VWA8: variants seen among roughly 807,000 people sequenced by gnomAD.
The protein encoded by VWA8 is von Willebrand factor A domain-containing protein 8.
A neutral mutation model predicts 241.5 loss-of-function variants in VWA8; 221 were observed. The observed-to-expected ratio is 0.91, with a 90% CI of 0.82 to 1.02. The LOEUF (loss-of-function observed/expected upper bound fraction) is 1.02, where lower values mean the gene tolerates loss of function less well. Among genes scored for constraint, VWA8 ranks in the 50% least tolerant of loss-of-function variants. The probability of loss-of-function intolerance (pLI) is 0.00; values close to 1 mark genes in which losing one functional copy is unlikely to be tolerated. For missense variants in VWA8, 2,322 were observed against 2,328.7 expected (o/e 1.00, Z 0.06); for synonymous variants, 852 against 827.1 (o/e 1.03, Z -0.52).
At chr13:41,949,142 G>T (rs1421554650) in intron 2 of VWA8, among the ~76,000 whole-genome samples, 2 of 151,226 alleles carry the variant, frequency 1.3e-5, no homozygotes, top group Non-Finnish European at 2.9e-5. Context: ...GGTTATACAG[G>T]TTTATAAAAT....
intron 12 of VWA8, among the ~76,000 whole-genome samples, chr13:41,853,109 G>C (rs906706081): frequency 6.6e-6 from 1 of 152,094 alleles, no homozygotes; most frequent in African/African-American, 2.4e-5. Context: ...TCCATCTTTT[G>C]TGATTTGGGT....
Position 41,871,669 on chromosome 13 carries a change from T to C in VWA8, c.1081-3192A>G, listed in dbSNP as rs867461197. Among the ~76,000 whole-genome samples, 1,107 of 152,162 alleles carry C rather than the reference T, an allele frequency of 7.3e-3. 16 individuals carry two copies. Among genetic ancestry groups the C allele is most frequent in the African/African-American group, 0.026 (1,060 of 41,498 alleles). ...TTTATGGCTGCATAGTATTCCATGG[T>C]GTATATGTGCCACATTTTCTTAATC... is the stretch of plus-strand genomic sequence containing the variant. On this transcript the variant is annotated intron_variant, in intron 9 of 44. Coordinates refer to ENST00000379310, the MANE Select transcript of VWA8 (RefSeq NM_015058.2).
chr13:41,850,752 C>T (rs570897627), intron 12 of VWA8, among the ~76,000 whole-genome samples: 2 of 152,160 alleles, frequency 1.3e-5, no homozygotes, highest in Admixed American at 1.3e-4. Flanking sequence ...ATGTCCACTT[C>T]TTCAAATGCA....
At chr13:41,576,864 C>T (rs2044353952) in intron 42 of VWA8, among the ~76,000 whole-genome samples, 1 of 152,260 alleles carries the variant, frequency 6.6e-6, no homozygotes, top group Non-Finnish European at 1.5e-5. Context: ...TGGCCCATAG[C>T]CCATACCCTT....
chr13:41,680,825 A>C (rs761698485), intron 35 of VWA8, among the ~76,000 whole-genome samples: 3 of 152,232 alleles, frequency 2.0e-5, no homozygotes, highest in Admixed American at 6.5e-5. Context: ...AATAGCAAAA[A>C]CCTGGAAAGA....
rs1417524214 is a variant in VWA8, at chr13:41,739,839, G to GT, written c.2427-7685dup. Among the ~76,000 whole-genome samples, 44 of 43,602 alleles carry GT rather than the reference G, an allele frequency of 1.0e-3. 1 individual carries two copies. Among genetic ancestry groups the GT allele is most frequent in the East Asian group, 3.0e-3 (4 of 1,334 alleles). The allele number at this position is 43,602 out of a possible 152,430, so 28.6% of individuals were successfully genotyped here. ...TCATTGTTTTTTTGTTTTTTTTTTT[G>GT]TTTTTTTTGTTTTTTTTGTTTTTTT... On this transcript the variant is annotated intron_variant, in intron 21 of 44. Coordinates refer to ENST00000379310, the MANE Select transcript of VWA8 (RefSeq NM_015058.2).
chr13:41,902,718 T>C (rs1001658669), intron 4 of VWA8, among the ~76,000 whole-genome samples: 1 of 152,340 alleles, frequency 6.6e-6, no homozygotes, highest in African/African-American at 2.4e-5. Flanking sequence ...AACCTAATTC[T>C]CGCCTTCAAA....
chr13:41,595,994 C>T (rs563328930), intron 40 of VWA8, among the ~76,000 whole-genome samples: 1 of 152,238 alleles, frequency 6.6e-6, no homozygotes, highest in Non-Finnish European at 1.5e-5. Context: ...TTGATATTGA[C>T]AGCTTAAAAT....
Position 41,863,468 on chromosome 13 carries a change from C to T in VWA8, c.1425+2268G>A, listed in dbSNP as rs547463506. Among the ~76,000 whole-genome samples the T allele has an allele frequency of 3.7e-5, 5 of 134,754 alleles. No homozygotes were observed. In the East Asian group the frequency reaches 1.1e-3, roughly 30 times the overall value. The allele number at this position is 134,754 out of a possible 152,430, so 88.4% of individuals were successfully genotyped here. On this transcript the variant is annotated intron_variant, in intron 12 of 44. Coordinates refer to ENST00000379310, the MANE Select transcript of VWA8 (RefSeq NM_015058.2). Reference sequence around the variant, plus strand: ...ATATATATATATTCACACACACACACACACTATATATATTAGTTCTGTCTA... The same window carrying T: ...ATATATATATATTCACACACACACATACACTATATATATTAGTTCTGTCTA...
chr13:41,806,202 C>G (rs1353182400), intron 17 of VWA8, among the ~76,000 whole-genome samples: 5 of 151,920 alleles, frequency 3.3e-5, no homozygotes, highest in Non-Finnish European at 5.9e-5. Flanking sequence ...AATGGAAACA[C>G]ACCAATCCTA....
At chr13:41,605,299 A>C in intron 39 of VWA8, 23 bp from the exon 40 acceptor site, 1 of 1,609,502 alleles carries the variant, frequency 6.2e-7, no homozygotes, top group Non-Finnish European at 8.5e-7. Flanking sequence ...GAGTATAAAA[A>C]GTTAACAGCT....
chr13:41,698,909 T>C (rs1566419422), intron 29 of VWA8, among the ~76,000 whole-genome samples, 162 bp downstream of exon 29: 1 of 152,134 alleles, frequency 6.6e-6, no homozygotes, highest in South Asian at 2.1e-4. Context: ...AAGAAGATAT[T>C]AGCCTGCCTT....
intron 12 of VWA8, among the ~76,000 whole-genome samples, chr13:41,857,377 C>T (rs1872798119): frequency 6.6e-6 from 1 of 152,108 alleles, no homozygotes; most frequent in Non-Finnish European, 1.5e-5. Flanking sequence ...CGATGTATTA[C>T]AGAGAAGCAT....
intron 39 of VWA8, 139 bp from the exon 40 acceptor site, chr13:41,605,415 T>A (rs2044547567): frequency 1.4e-6 from 1 of 733,602 alleles, no homozygotes; most frequent in East Asian, 2.7e-5. Flanking sequence ...CAAGAAGTGA[T>A]GTCTCCAGCT....
At chr13:41,843,049 T>C (rs963107713) in intron 12 of VWA8, among the ~76,000 whole-genome samples, 3 of 152,224 alleles carry the variant, frequency 2.0e-5, no homozygotes, top group African/African-American at 7.2e-5. Context: ...ATAATATCTT[T>C]TCATTTTAGA....
At chr13:41,658,352 C>G (rs1476413240) in intron 37 of VWA8, among the ~76,000 whole-genome samples, 1 of 152,244 alleles carries the variant, frequency 6.6e-6, no homozygotes, top group Non-Finnish European at 1.5e-5. Context: ...TTGTCCTGAG[C>G]ATTTTCCTTG....
chr13:41,572,870 G>A (rs955002994), intron 43 of VWA8, among the ~76,000 whole-genome samples: 1 of 151,352 alleles, frequency 6.6e-6, no homozygotes, highest in African/African-American at 2.4e-5. Context: ...AGCACTTTGG[G>A]AGGCCGAGGC....
At chr13:41,649,868 A>G (rs1407666268) in intron 37 of VWA8, among the ~76,000 whole-genome samples, 1 of 152,198 alleles carries the variant, frequency 6.6e-6, no homozygotes, top group Non-Finnish European at 1.5e-5. Context: ...GGTAGCTTGC[A>G]CAAGTTAGGT....
chr13:41,735,629 T>C (rs1197050159), intron 21 of VWA8, among the ~76,000 whole-genome samples: 1 of 152,174 alleles, frequency 6.6e-6, no homozygotes, highest in Non-Finnish European at 1.5e-5. Context: ...AAGCAAAGGC[T>C]AGTAAAATAT....
Sources: allele counts gnomAD v4.1 joint callset (sites outside exome capture counted in the v4.1 genomes callset), GRCh38; gene constraint gnomAD v4.1.1; transcripts MANE v1.5; gene names NCBI Gene and HGNC (gene_info 2026-07-23, HGNC 2026-07-21).